Variants in SORT1 observed in about 807,000 individuals in gnomAD.
SORT1 encodes the protein sortilin 1.
SORT1 carries 39 observed loss-of-function variants against 101.7 expected under a neutral mutation model. The observed-to-expected ratio is 0.38, with a 90% confidence interval of 0.30 to 0.50. The LOEUF is 0.50. SORT1 is among the 20% of genes least tolerant of loss of function. The pLI is 0.90. For synonymous variants in SORT1, 396 were observed against 393.7 expected (o/e 1.01, Z -0.07); for missense variants, 878 against 1,040.4 (o/e 0.84, Z 2.15).
At position 109,340,609 on chromosome 1, in the gene SORT1, T is replaced by C. The variant is rs368685557; in HGVS notation, c.1264+115A>G. The C allele has an allele frequency of 4.8e-6, 5 of 1,037,286 alleles. No homozygotes were observed. In the Admixed American group the frequency reaches 1.2e-4, roughly 24 times the overall value. The allele number at this position is 1,037,286 out of a possible 1,614,324, so 64.3% of individuals were successfully genotyped here. On this transcript the variant is annotated intron_variant, in intron 10 of 19. Coordinates refer to ENST00000256637, the MANE Select transcript of SORT1 (RefSeq NM_002959.7). The stretch of plus-strand genomic sequence containing the variant: ...AAAAAAGGAAACAAAAAAATGTACA[T>C]GGGTAGGCTTGTTGGCTTGGCAAGC...
intron 3 of SORT1, among the ~76,000 whole-genome samples, chr1:109,357,404 T>C (rs773021540): frequency 1.3e-5 from 2 of 152,188 alleles, no homozygotes; most frequent in Non-Finnish European, 2.9e-5. Context: ...CCATGAGCAG[T>C]GTAAGGGGCT....
In SORT1 at chr1:109,350,878, C is replaced by T. The variant is rs766456156; in HGVS notation, c.782+51G>A. ...TTTATTCATGTGATTTTTGGCAGCG[C>T]TATCAGGAAGGGTTTAGGGCTCTGC... On this transcript the variant is annotated intron_variant, in intron 6 of 19. Coordinates refer to ENST00000256637, the MANE Select transcript of SORT1 (RefSeq NM_002959.7). 3.6e-5 allele frequency: 43 copies of T among 1,199,430 alleles called. 1 individual carries two copies. The highest frequency in any genetic ancestry group is 4.9e-5 in the Non-Finnish European group (39 of 802,052). The allele number at this position is 1,199,430 out of a possible 1,614,324, so 74.3% of individuals were successfully genotyped here.
At chr1:109,363,066 C>T (rs564340320) in intron 3 of SORT1, among the ~76,000 whole-genome samples, 2 of 152,174 alleles carry the variant, frequency 1.3e-5, no homozygotes, top group East Asian at 1.9e-4. Flanking sequence ...TATTTTAATG[C>T]AAAACCTCTT....
chr1:109,340,503 C>T (rs961816326), intron 10 of SORT1, among the ~76,000 whole-genome samples: 3 of 151,790 alleles, frequency 2.0e-5, no homozygotes, highest in Admixed American at 2.0e-4. Context: ...AACATTGTGA[C>T]TGTGCTTAAT....
intron 10 of SORT1, among the ~76,000 whole-genome samples, chr1:109,337,659 GT>G (rs1160042230): frequency 6.7e-6 from 1 of 150,206 alleles, no homozygotes; most frequent in Non-Finnish European, 1.5e-5. Context: ...ACAGAGTCTT[GT>G]TCTATCACCC....
At chr1:109,318,012 A>G (rs1647353021) in intron 15 of SORT1, 43 bp from the exon 16 acceptor site, 2 of 1,243,662 alleles carry the variant, frequency 1.6e-6, no homozygotes, top group Non-Finnish European at 2.4e-6. Context: ...AGCAGCTGGA[A>G]GACCGTTAAG....
At chr1:109,379,148 GA>G (rs138940390) in intron 1 of SORT1, among the ~76,000 whole-genome samples, 20,992 of 141,228 alleles carry the variant, frequency 0.15, 1,898 homozygotes, top group East Asian at 0.34. Flanking sequence ...GTCTCAAAAA[GA>G]AAAAAAAAAA....
In SORT1 at chr1:109,395,401, A is replaced by G. The variant is rs368915429; in HGVS notation, c.306+2186T>C. ...GCGTCTGGCTAACTTTTGTATTTTT[A>G]GTAGAGACAGGGTTTCACCATGTTG... On this transcript the variant is annotated intron_variant, in intron 1 of 19. Transcript: ENST00000256637. Among the ~76,000 whole-genome samples, 9 of 151,650 alleles carry G rather than the reference A, an allele frequency of 5.9e-5. 1 individual carries two copies. Among genetic ancestry groups the G allele is most frequent in the Admixed American group, 3.3e-4 (5 of 15,216 alleles).
chr1:109,336,974 T>C (rs1183965948), intron 10 of SORT1, among the ~76,000 whole-genome samples: 1 of 152,164 alleles, frequency 6.6e-6, no homozygotes, highest in African/African-American at 2.4e-5. Context: ...TTTGCTTGCC[T>C]GGGAAGTAAA....
At chr1:109,392,846 C>G in intron 1 of SORT1, 2 of 985,140 alleles carry the variant, frequency 2.0e-6, no homozygotes, top group African/African-American at 3.5e-5. Context: ...TCAACCAGGA[C>G]CAAGAAGGAG....
At chr1:109,336,206 C>T (rs1227838641) in intron 11 of SORT1, 34 bp downstream of exon 11, 1 of 1,300,350 alleles carries the variant, frequency 7.7e-7, no homozygotes, top group Non-Finnish European at 1.1e-6. Context: ...AATGGAAAGG[C>T]TGCTGTGCTC....
chr1:109,315,933 T>A (rs1359277306), intron 17 of SORT1, among the ~76,000 whole-genome samples: 1 of 150,154 alleles, frequency 6.7e-6, no homozygotes, highest in Non-Finnish European at 1.5e-5. Flanking sequence ...AATTTTTGTA[T>A]TTTTTTTGTA....
intron 2 of SORT1, among the ~76,000 whole-genome samples, chr1:109,369,295 T>C (rs1020179760): frequency 6.6e-6 from 1 of 152,096 alleles, no homozygotes; most frequent in Non-Finnish European, 1.5e-5. Flanking sequence ...GCACTCCAAC[T>C]TGGGCAACAA....
chr1:109,352,663 T>C (rs1043506001), intron 5 of SORT1, among the ~76,000 whole-genome samples: 2 of 152,228 alleles, frequency 1.3e-5, no homozygotes, highest in African/African-American at 4.8e-5. Context: ...GCATTTCTAA[T>C]TTACCTAATT....
intron 5 of SORT1, among the ~76,000 whole-genome samples, chr1:109,353,861 C>T (rs761513852): frequency 6.6e-6 from 1 of 152,134 alleles, no homozygotes; most frequent in Non-Finnish European, 1.5e-5. Context: ...GGGAAACACA[C>T]TGGTCTCTGG....
At chr1:109,353,986 G>C (rs545857835) in intron 5 of SORT1, among the ~76,000 whole-genome samples, 94 of 152,156 alleles carry the variant, frequency 6.2e-4, no homozygotes, top group African/African-American at 2.1e-3. Flanking sequence ...TAACAAAAAA[G>C]AAAAAAATTA....
At chr1:109,372,948 CG>C (rs896868433) in intron 1 of SORT1, among the ~76,000 whole-genome samples, 2 of 150,822 alleles carry the variant, frequency 1.3e-5, no homozygotes, top group African/African-American at 4.9e-5. Flanking sequence ...GGTAGCTACT[CG>C]GGAGGCTGAG....
At chr1:109,325,669 T>A (rs1381066421) in intron 13 of SORT1, among the ~76,000 whole-genome samples, 2 of 152,152 alleles carry the variant, frequency 1.3e-5, no homozygotes, top group Non-Finnish European at 2.9e-5. Context: ...AGGTAAGAAC[T>A]GGCTTTTAAA....
At chr1:109,365,587 T>G (rs553373538) in intron 3 of SORT1, among the ~76,000 whole-genome samples, 1 of 152,226 alleles carries the variant, frequency 6.6e-6, no homozygotes, top group Admixed American at 6.5e-5. Context: ...TTCTAAAATA[T>G]AGTCAATCCT....
Sources: allele counts gnomAD v4.1 joint callset (sites outside exome capture counted in the v4.1 genomes callset), GRCh38; gene constraint gnomAD v4.1.1; transcripts MANE v1.5; gene names NCBI Gene and HGNC (gene_info 2026-07-23, HGNC 2026-07-21).